LMCD1: variants seen among roughly 807,000 people sequenced by gnomAD.
LMCD1 encodes the protein LIM and cysteine rich domains 1.
LMCD1 carries 32 observed loss-of-function variants against 42.7 expected under a neutral mutation model. That is an observed-to-expected ratio of 0.75 (90% confidence interval 0.57 to 1.01). The LOEUF (loss-of-function observed/expected upper bound fraction) is 1.01, where lower values mean the gene tolerates loss of function less well. Among genes scored for constraint, LMCD1 ranks in the 50% least tolerant of loss-of-function variants. The pLI is 0.00. For synonymous variants in LMCD1, 178 were observed against 184.9 expected (o/e 0.96, Z 0.30); for missense variants, 458 against 483.1 (o/e 0.95, Z 0.49).
chr3:8,506,248 G>T (rs1271607278), intron 1 of LMCD1, among the ~76,000 whole-genome samples: 3 of 152,160 alleles, frequency 2.0e-5, no homozygotes, highest in South Asian at 2.1e-4. Flanking sequence ...AAGCATCTCA[G>T]CTCCAAGGCT....
At chr3:8,511,533 T>G (rs1366079536) in intron 1 of LMCD1, among the ~76,000 whole-genome samples, 1 of 152,174 alleles carries the variant, frequency 6.6e-6, no homozygotes, top group Non-Finnish European at 1.5e-5. Context: ...TAATCTTACC[T>G]GGGGAGGTCA....
At position 8,569,727 on chromosome 3, in the gene LMCD1, G is replaced by A. The variant is rs1695182798; in HGVS notation, c.*2129G>A. 1 of 152,250 alleles carries A rather than the reference G, an allele frequency of 6.6e-6. No homozygotes were observed. Among genetic ancestry groups the A allele is most frequent in the South Asian group, 2.1e-4 (1 of 4,832 alleles). 9.4% of individuals were successfully genotyped at this position (152,250 alleles called of 1,614,324 possible). A position where few individuals can be genotyped will look rare whatever the true frequency, so the allele number is the denominator to read the frequency against. The stretch of plus-strand genomic sequence containing the variant: ...GATGAGTAGCCTTGCCAGGCATAGT[G>A]GCTCAGGCCTGTATTCTCAGCACTT... On this transcript the variant is annotated 3_prime_UTR_variant, in exon 6 of 6. Coordinates refer to ENST00000157600, the MANE Select transcript of LMCD1 (RefSeq NM_014583.4).
rs1695229994 is a variant in LMCD1, at chr3:8,572,198, G to T, written c.*4600G>T. 2.6e-5 allele frequency: 4 copies of T among 152,318 alleles called. No individual in the cohort carries two copies. The South Asian group carries it at 8.3e-4, about 32-fold the overall frequency. 9.4% of individuals were successfully genotyped at this position (152,318 alleles called of 1,614,324 possible). A position where few individuals can be genotyped will look rare whatever the true frequency, so the allele number is the denominator to read the frequency against. On this transcript the variant is annotated 3_prime_UTR_variant, in exon 6 of 6. Transcript: ENST00000157600. ...GTTAAATATCCATTAAATTAGGTTTGTCAGATATTTCCTCGAAATTAGATT... is the reference window on the plus strand; with the variant it reads ...GTTAAATATCCATTAAATTAGGTTTTTCAGATATTTCCTCGAAATTAGATT...
chr3:8,567,329 C>T, intron 5 of LMCD1, 111 bp from the exon 6 acceptor site: 1 of 1,134,180 alleles, frequency 8.8e-7, no homozygotes, highest in South Asian at 1.9e-5. Flanking sequence ...TTTAAAAGGT[C>T]AAAACAAGAA....
chr3:8,529,414 G>A (rs1694363004), intron 1 of LMCD1, among the ~76,000 whole-genome samples: 1 of 152,168 alleles, frequency 6.6e-6, no homozygotes, highest in African/African-American at 2.4e-5. Flanking sequence ...GGAGACCAGG[G>A]CCAACTCTCG....
chr3:8,560,805 G>A (rs985757051), intron 4 of LMCD1, among the ~76,000 whole-genome samples: 14 of 152,084 alleles, frequency 9.2e-5, no homozygotes, highest in Admixed American at 3.3e-4. Flanking sequence ...TCATTTGAGC[G>A]AAAAACTCAC....
At chr3:8,550,149 C>T (rs2125032998) in intron 4 of LMCD1, 1 of 1,349,958 alleles carries the variant, frequency 7.4e-7, no homozygotes, top group East Asian at 3.1e-5. Flanking sequence ...AGATGAAAGC[C>T]TCATGGCTTG....
rs1429492224 is a variant in LMCD1, at chr3:8,567,649, G to A, written c.*51G>A. On this transcript the variant is annotated 3_prime_UTR_variant, in exon 6 of 6. Coordinates refer to ENST00000157600, the MANE Select transcript of LMCD1 (RefSeq NM_014583.4). ...CCACAGGATCCCACCGAGAAGGAGA[G>A]CCAGGTGTGCCGAGACCATCCTAAG... The A allele has an allele frequency of 2.5e-6, 4 of 1,571,084 alleles. No individual in the cohort carries two copies. The East Asian group carries it at 9.0e-5, about 35-fold the overall frequency.
chr3:8,545,666 A>G (rs1361072856), intron 3 of LMCD1, among the ~76,000 whole-genome samples: 1 of 152,102 alleles, frequency 6.6e-6, no homozygotes, highest in Non-Finnish European at 1.5e-5. Context: ...CCTGTACCCC[A>G]CACCTCACCT....
intron 3 of LMCD1, among the ~76,000 whole-genome samples, chr3:8,547,071 C>A (rs1435975654): frequency 6.6e-6 from 1 of 152,212 alleles, no homozygotes; most frequent in Non-Finnish European, 1.5e-5. Context: ...TAAATGTAGA[C>A]TCCTTTTTCT....
At chr3:8,564,192 CTGAG>C (rs1460058725) in intron 4 of LMCD1, among the ~76,000 whole-genome samples, 1 of 152,160 alleles carries the variant, frequency 6.6e-6, no homozygotes, top group African/African-American at 2.4e-5. Flanking sequence ...ACTCAAGAAA[CTGAG>C]TGTGGAATAT....
chr3:8,501,843 C>G lies in LMCD1; in HGVS notation c.-96C>G, dbSNP rs563265240. Reference sequence around the variant, plus strand: ...GCTGCGCACAGAGCTCCCTCCCAGGCCCGCGAACTTGGCCATTCAGCCGCC... The same window carrying G: ...GCTGCGCACAGAGCTCCCTCCCAGGGCCGCGAACTTGGCCATTCAGCCGCC... On this transcript the variant is annotated 5_prime_UTR_variant, in exon 1 of 6. Transcript: ENST00000157600. 179 of 1,100,742 alleles carry G rather than the reference C, an allele frequency of 1.6e-4. No individual in the cohort carries two copies. In the African/African-American group the frequency reaches 2.7e-3, roughly 17 times the overall value. 68.2% of individuals were successfully genotyped at this position (1,100,742 alleles called of 1,614,324 possible). A position where few individuals can be genotyped will look rare whatever the true frequency, so the allele number is the denominator to read the frequency against.
At chr3:8,505,365 A>G (rs1368877594) in intron 1 of LMCD1, among the ~76,000 whole-genome samples, 1 of 152,224 alleles carries the variant, frequency 6.6e-6, no homozygotes. Context: ...CCAGTTATTG[A>G]GCATTTCACT....
intron 3 of LMCD1, among the ~76,000 whole-genome samples, chr3:8,546,447 G>A (rs994880511): frequency 2.0e-5 from 3 of 152,176 alleles, no homozygotes; most frequent in Admixed American, 1.3e-4. Flanking sequence ...GCCACCCTAG[G>A]GTTTACGATC....
At position 8,574,516 on chromosome 3, in the gene LMCD1, G is replaced by C. The variant is rs1695273003; in HGVS notation, c.*6918G>C. 6.6e-6 allele frequency: 1 copy of C among 152,228 alleles called. No homozygotes were observed. The highest frequency in any genetic ancestry group is 1.5e-5 in the Non-Finnish European group (1 of 68,060). 9.4% of individuals were successfully genotyped at this position (152,228 alleles called of 1,614,324 possible). A position where few individuals can be genotyped will look rare whatever the true frequency, so the allele number is the denominator to read the frequency against. ...AGCTCACACAGGAGGCCTGGACAGAGCTGCAGCAGAGCCAGGAGAGAAGCC... is the reference window on the plus strand; with the variant it reads ...AGCTCACACAGGAGGCCTGGACAGACCTGCAGCAGAGCCAGGAGAGAAGCC... On this transcript the variant is annotated 3_prime_UTR_variant, in exon 6 of 6. Coordinates refer to ENST00000157600, the MANE Select transcript of LMCD1 (RefSeq NM_014583.4).
chr3:8,550,410 C>T (rs962804719), intron 4 of LMCD1: 91 of 984,208 alleles, frequency 9.2e-5, no homozygotes, highest in Non-Finnish European at 1.1e-4. Context: ...CCAGGCGACC[C>T]AGGGAAATGC....
In LMCD1 at chr3:8,532,919, G is replaced by T; in HGVS notation, c.131+94G>T. 6 of 981,004 alleles carry T rather than the reference G, an allele frequency of 6.1e-6. No homozygotes were observed. The South Asian group carries it at 6.9e-5, about 11-fold the overall frequency. The allele number at this position is 981,004 out of a possible 1,614,324, so 60.8% of individuals were successfully genotyped here. A position where few individuals can be genotyped will look rare whatever the true frequency, so the allele number is the denominator to read the frequency against. On this transcript the variant is annotated intron_variant, in intron 2 of 5. Coordinates refer to ENST00000157600, the MANE Select transcript of LMCD1 (RefSeq NM_014583.4). The stretch of plus-strand genomic sequence containing the variant: ...TTGCTTTCTTCGCTGAGACTGCTTT[G>T]GTTGTATGCGTTGTCAGGGAAGGAT...
chr3:8,540,170 G>A (rs1694596820), intron 3 of LMCD1, among the ~76,000 whole-genome samples: 1 of 152,052 alleles, frequency 6.6e-6, no homozygotes, highest in Non-Finnish European at 1.5e-5. Context: ...TCATAGCTGG[G>A]AATTGACCAA....
In LMCD1 at chr3:8,560,959, C is replaced by T. The variant is rs79724683; in HGVS notation, c.724-4473C>T. On this transcript the variant is annotated intron_variant, in intron 4 of 5. Transcript: ENST00000157600. ...ATAGGCAGTCATTCAAGAGCTCCTACGCTCAGAAACTGCTATCAGTACATG... is the reference window on the plus strand; with the variant it reads ...ATAGGCAGTCATTCAAGAGCTCCTATGCTCAGAAACTGCTATCAGTACATG... 5.3e-5 allele frequency among the ~76,000 whole-genome samples: 8 copies of T among 152,314 alleles called. No individual in the cohort carries two copies. The East Asian group carries it at 5.8e-4, about 11-fold the overall frequency.
Sources: allele counts gnomAD v4.1 joint callset (sites outside exome capture counted in the v4.1 genomes callset), GRCh38; gene constraint gnomAD v4.1.1; transcripts MANE v1.5; gene names NCBI Gene and HGNC (gene_info 2026-07-23, HGNC 2026-07-21).